CEP128: variants seen among roughly 807,000 people sequenced by gnomAD.
CEP128 encodes centrosomal protein 128kDa.
CEP128 carries 132 observed loss-of-function variants against 156.7 expected under a neutral mutation model. The observed-to-expected ratio is 0.84, with a 90% CI of 0.73 to 0.97. The LOEUF is 0.97. Ranked by LOEUF, CEP128 falls within the 50% of genes least tolerant of loss-of-function variation. The probability of loss-of-function intolerance (pLI) is 0.00; values close to 1 mark genes in which losing one functional copy is unlikely to be tolerated. For missense variants in CEP128, 1,252 were observed against 1,281.9 expected, an observed-to-expected ratio of 0.98 and a Z score of 0.36; for synonymous variants, 469 against 448.9, an observed-to-expected ratio of 1.04 and a Z score of -0.57.
intron 2 of CEP128, among the ~76,000 whole-genome samples, chr14:80,953,890 C>A (rs1266931395): frequency 3.3e-5 from 5 of 152,034 alleles, no homozygotes; most frequent in Non-Finnish European, 7.4e-5. Context: ...CATATAAATA[C>A]GTAATATTTT....
At chr14:80,488,776 C>T (rs1338479881), downstream of CEP128, among the ~76,000 whole-genome samples, 1 of 150,774 alleles carries the variant, frequency 6.6e-6, no homozygotes, top group African/African-American at 2.4e-5. Flanking sequence ...AAATGTGGCA[C>T]ATACACACCA....
At chr14:80,753,498 C>A (rs2139649541) in intron 18 of CEP128, among the ~76,000 whole-genome samples, 1 of 152,260 alleles carries the variant, frequency 6.6e-6, no homozygotes, top group Admixed American at 6.5e-5. Context: ...TTCTCTGTCA[C>A]AAAACAATAA....
intron 20 of CEP128, among the ~76,000 whole-genome samples, chr14:80,560,640 A>T (rs530493243): frequency 6.6e-6 from 1 of 152,222 alleles, no homozygotes; most frequent in South Asian, 2.1e-4. Flanking sequence ...AGGCAGACCC[A>T]CCGTTAATCT....
intron 19 of CEP128, among the ~76,000 whole-genome samples, chr14:80,721,223 G>T (rs1237433767): frequency 2.0e-5 from 3 of 152,034 alleles, no homozygotes; most frequent in African/African-American, 7.2e-5. Flanking sequence ...GAGAATATGA[G>T]CTTCAGGTTA....
chr14:80,958,315 T>G (rs1886819922), intron 1 of CEP128: 1 of 152,180 alleles, frequency 6.6e-6, no homozygotes, highest in African/African-American at 2.4e-5. Flanking sequence ...ATGAAGTAAT[T>G]TGCTCAATGT....
chr14:80,570,951 TA>T (rs1340529757), intron 20 of CEP128, among the ~76,000 whole-genome samples: 3 of 152,200 alleles, frequency 2.0e-5, no homozygotes, highest in Non-Finnish European at 4.4e-5. Flanking sequence ...TATACATTTT[TA>T]TATTTATTTC....
chr14:80,937,770 T>A (rs1269252136), intron 2 of CEP128, among the ~76,000 whole-genome samples: 1 of 152,222 alleles, frequency 6.6e-6, no homozygotes, highest in East Asian at 1.9e-4. Flanking sequence ...GTGTATTCTA[T>A]AATATACATG....
chr14:80,647,126 TACAC>T (rs1303390846), intron 19 of CEP128, among the ~76,000 whole-genome samples: 7,866 of 88,030 alleles, frequency 0.089, 570 homozygotes, highest in Middle Eastern at 0.21. Context: ...CACACACACA[TACAC>T]ACACACACAC....
At chr14:80,888,846 G>A (rs1049968401) in intron 8 of CEP128, among the ~76,000 whole-genome samples, 11 of 152,174 alleles carry the variant, frequency 7.2e-5, no homozygotes, top group African/African-American at 2.7e-4. Context: ...AATTGTCTCC[G>A]TTTGCAGAGG....
chr14:80,651,643 C>T (rs1894909218), intron 19 of CEP128, among the ~76,000 whole-genome samples: 1 of 152,084 alleles, frequency 6.6e-6, no homozygotes, highest in Non-Finnish European at 1.5e-5. Context: ...TTTCAAATAA[C>T]TTAATTATTT....
intron 20 of CEP128, among the ~76,000 whole-genome samples, chr14:80,570,310 G>A (rs960847571): frequency 6.6e-6 from 1 of 151,908 alleles, no homozygotes; most frequent in Non-Finnish European, 1.5e-5. Context: ...TAGAGATGAG[G>A]TTTTACCATG....
intron 19 of CEP128, among the ~76,000 whole-genome samples, chr14:80,725,534 A>T (rs112433796): frequency 1.2e-4 from 18 of 152,186 alleles, no homozygotes; most frequent in African/African-American, 4.1e-4. Flanking sequence ...TCTATTAACT[A>T]TTCCAGAACA....
rs780678017 is a variant in CEP128, at chr14:80,838,288, C to T, written c.850-10G>A. ...CCAATTCCTGTTCAAGCTAGAGTTTCAACAAAGGATAAAGAAAAATGCCCA... is the reference window on the plus strand; with the variant it reads ...CCAATTCCTGTTCAAGCTAGAGTTTTAACAAAGGATAAAGAAAAATGCCCA... On this transcript the variant is annotated splice_polypyrimidine_tract_variant and intron_variant, in intron 10 of 24. Transcript: ENST00000555265. The T allele has an allele frequency of 1.9e-6, 3 of 1,605,128 alleles. No individual in the cohort carries two copies. Among genetic ancestry groups the T allele is most frequent in the Non-Finnish European group, 2.6e-6 (3 of 1,173,186 alleles).
intron 4 of CEP128, among the ~76,000 whole-genome samples, chr14:80,908,958 G>T (rs1884045922): frequency 6.7e-6 from 1 of 149,564 alleles, no homozygotes. Context: ...CACCCTTTGG[G>T]GTCTCCATTA....
At chr14:80,823,523 C>T (rs928174426) in intron 13 of CEP128, among the ~76,000 whole-genome samples, 6 of 152,076 alleles carry the variant, frequency 3.9e-5, no homozygotes, top group African/African-American at 1.2e-4. Context: ...ATACTGTTAA[C>T]GACTGTCTGC....
chr14:80,647,126 TAC>T (rs1303390846), intron 19 of CEP128, among the ~76,000 whole-genome samples: 32 of 88,082 alleles, frequency 3.6e-4, no homozygotes, highest in South Asian at 9.9e-4. Context: ...CACACACACA[TAC>T]ACACACACAC....
intron 19 of CEP128, among the ~76,000 whole-genome samples, chr14:80,581,720 G>C (rs1891600886): frequency 6.6e-6 from 1 of 152,096 alleles, no homozygotes; most frequent in African/African-American, 2.4e-5. Context: ...AGTGTTTTGG[G>C]GTGTATTTTT....
chr14:80,655,014 CT>C (rs1051149453), intron 19 of CEP128, among the ~76,000 whole-genome samples: 3 of 152,124 alleles, frequency 2.0e-5, no homozygotes, highest in African/African-American at 7.2e-5. Context: ...TTACATGTCT[CT>C]TTTTTTCTCT....
chr14:80,617,138 G>A (rs1893246446), intron 19 of CEP128, among the ~76,000 whole-genome samples: 1 of 146,920 alleles, frequency 6.8e-6, no homozygotes, highest in Non-Finnish European at 1.5e-5. Flanking sequence ...TATAAAGGAT[G>A]ATTTGGCAAT....
Sources: gnomAD v4.1 joint callset for allele counts (sites outside exome capture counted in the v4.1 genomes callset) on GRCh38, gnomAD v4.1.1 for gene constraint, MANE v1.5 for transcripts, NCBI Gene and HGNC (gene_info 2026-07-23, HGNC 2026-07-21) for gene names.